Variants in TSFM observed in about 807,000 individuals in gnomAD.
TSFM encodes Ts translation elongation factor, mitochondrial, also known as elongation factor Ts, mitochondrial.
Under a neutral mutation model 33.4 loss-of-function variants are expected in TSFM, and 29 were observed. That is an observed-to-expected ratio of 0.87 (90% CI 0.65 to 1.18). TSFM has a LOEUF of 1.18. Among genes scored for constraint, TSFM ranks in the 50% most tolerant of loss-of-function variants. TSFM has a pLI of 0.00. For synonymous variants in TSFM, 178 were observed against 163.5 expected (o/e 1.09, Z -0.68); for missense variants, 394 against 395.6 (o/e 1.00, Z 0.04).
At chr12:57,787,302 C>T (rs1955603974) in intron 4 of TSFM, 140 bp downstream of exon 4, 5 of 902,868 alleles carry the variant, frequency 5.5e-6, no homozygotes, top group Non-Finnish European at 8.0e-6. Context: ...ATAGAATTAC[C>T]CTTCCCCCGT....
chr12:57,793,246 G>A (rs1468778919), intron 5 of TSFM, among the ~76,000 whole-genome samples, 173 bp downstream of exon 5: 2 of 151,204 alleles, frequency 1.3e-5, no homozygotes, highest in East Asian at 3.9e-4. Context: ...TTTTTTTTCC[G>A]AGACAGAGTC....
intron 2 of TSFM, among the ~76,000 whole-genome samples, chr12:57,784,359 G>A (rs991998657): frequency 9.2e-5 from 14 of 152,176 alleles, no homozygotes; most frequent in African/African-American, 2.7e-4. Context: ...TATAGTAGAC[G>A]TTAAAGCACA....
At chr12:57,784,068 T>C (rs1366833344) in intron 2 of TSFM, 1 of 702,824 alleles carries the variant, frequency 1.4e-6, no homozygotes, top group Admixed American at 2.0e-5. Flanking sequence ...AGATGGTATA[T>C]TGTACTACAA....
At chr12:57,795,798 A>G (rs1457899449) in intron 5 of TSFM, among the ~76,000 whole-genome samples, 5 of 151,904 alleles carry the variant, frequency 3.3e-5, no homozygotes, top group East Asian at 1.9e-4. Context: ...TATTTTTAGT[A>G]GAAACAGGGT....
chr12:57,799,799 T>A (rs1437308713), downstream of TSFM: 5 of 1,613,792 alleles, frequency 3.1e-6, no homozygotes, highest in Admixed American at 6.7e-5. Context: ...ACTCACCTCC[T>A]TTTTGGCAGG....
chr12:57,789,393 A>G (rs911885353), intron 4 of TSFM, among the ~76,000 whole-genome samples: 1 of 151,426 alleles, frequency 6.6e-6, no homozygotes, highest in Non-Finnish European at 1.5e-5. Context: ...CACATTTAGG[A>G]TTTTTTTTTC....
At chr12:57,786,961 G>T in intron 3 of TSFM, 79 bp from the exon 4 acceptor site, 2 of 1,468,532 alleles carry the variant, frequency 1.4e-6, no homozygotes, top group South Asian at 2.7e-5. Flanking sequence ...TCAGTATCTT[G>T]ATTTATTCTC....
At chr12:57,801,086 G>C, downstream of TSFM, 1 of 1,436,528 alleles carries the variant, frequency 7.0e-7, no homozygotes, top group South Asian at 1.2e-5. Context: ...GCATTTGTGT[G>C]TTCTCTGGCT....
downstream of TSFM, chr12:57,802,036 A>G: frequency 9.0e-7 from 1 of 1,106,426 alleles, no homozygotes; most frequent in Non-Finnish European, 1.3e-6. Context: ...AGGGAGTGGG[A>G]TGGGAGTAGG....
chr12:57,783,628 C>T (rs780581416), intron 2 of TSFM: 4 of 561,412 alleles, frequency 7.1e-6, no homozygotes, highest in African/African-American at 5.6e-5. Context: ...GAGTCTTGCT[C>T]TGTGGCCCAG....
intron 4 of TSFM, among the ~76,000 whole-genome samples, chr12:57,788,296 T>A (rs1013696523): frequency 1.3e-5 from 2 of 152,180 alleles, no homozygotes; most frequent in Non-Finnish European, 2.9e-5. Context: ...TTTTTGTTTT[T>A]TGAGATGAAG....
chr12:57,786,058 T>A, intron 2 of TSFM, 105 bp from the exon 3 acceptor site: 5 of 1,340,868 alleles, frequency 3.7e-6, no homozygotes, highest in Non-Finnish European at 4.9e-6. Context: ...CTTTAGTTTC[T>A]GTTAGAGAAT....
rs1449551837 is a variant in TSFM, at chr12:57,786,298, T to C, written c.360+7T>C. On this transcript the variant is annotated splice_region_variant and intron_variant, in intron 3 of 5. Transcript: ENST00000652027. ...CACAACTGTATTAGTAGAGGTGAGTTGTTGGAAATTCCAGATACCAAGAAC... is the reference window on the plus strand; with the variant it reads ...CACAACTGTATTAGTAGAGGTGAGTCGTTGGAAATTCCAGATACCAAGAAC... 23 of 1,609,028 alleles carry C rather than the reference T, an allele frequency of 1.4e-5. No individual in the cohort carries two copies. In the East Asian group the frequency reaches 5.1e-4, roughly 36 times the overall value.
At chr12:57,783,064 G>C in intron 1 of TSFM, 46 bp from the exon 2 acceptor site, 1 of 1,577,790 alleles carries the variant, frequency 6.3e-7, no homozygotes, top group Non-Finnish European at 8.6e-7. Flanking sequence ...TTCACCCTCT[G>C]GAGTTTGCTG....
Position 57,786,189 on chromosome 12 carries a change from C to A in TSFM, c.258C>A (p.Ala86=). The change falls in exon 3 of 6, where the codon GCC becomes GCA. Residue 86 remains alanine (A), a synonymous_variant. Coordinates refer to ENST00000652027, the MANE Select transcript of TSFM (RefSeq NM_005726.6). ...KQAEIWLHKE[A]QKEGWSKAAK... is the part of the protein sequence containing the mutation. Reference sequence around the variant, plus strand: ...CAGAGATCTGGCTCCACAAGGAGGCCCAGAAGGAGGGCTGGAGCAAAGCTG... The same window carrying A: ...CAGAGATCTGGCTCCACAAGGAGGCACAGAAGGAGGGCTGGAGCAAAGCTG... The A allele has an allele frequency of 6.2e-7, 1 of 1,608,056 alleles. No homozygotes were observed. Among genetic ancestry groups the A allele is most frequent in the Non-Finnish European group, 8.5e-7 (1 of 1,176,972 alleles).
intron 4 of TSFM, among the ~76,000 whole-genome samples, chr12:57,787,926 AAAG>A (rs1273897798): frequency 2.0e-5 from 3 of 151,948 alleles, no homozygotes; most frequent in African/African-American, 7.3e-5. Context: ...AGAAAAAAAA[AAAG>A]AGAGAGAGAT....
rs1331361718 is a variant in TSFM at position 57,796,435 on chromosome 12, GA to G, written c.831del (p.Glu278ArgfsTer30). The G allele has an allele frequency of 6.2e-7, 1 of 1,601,512 alleles. No homozygotes were observed. The highest frequency in any genetic ancestry group is 1.3e-5 in the African/African-American group (1 of 74,732). The part of the protein sequence containing the change: ...SVGSLDDEPG[G>X]EAETKMLSQP... ...GGCTCCCTGGACGATGAGCCTGGGGGAGAGGCAGAGACTAAGATGCTGTCCC... is the reference window on the plus strand; with the variant it reads ...GGCTCCCTGGACGATGAGCCTGGGGGGAGGCAGAGACTAAGATGCTGTCCC... On this transcript the variant is annotated frameshift_variant, in exon 6 of 6. Transcript: ENST00000652027. LOFTEE classifies it high-confidence loss of function.
intron 2 of TSFM, 66 bp downstream of exon 2, chr12:57,783,349 G>T (rs1955540220): frequency 1.1e-5 from 18 of 1,589,506 alleles, no homozygotes; most frequent in South Asian, 4.4e-5. Flanking sequence ...GGGCGGTCAC[G>T]CTGGGGAGCA....
chr12:57,788,965 C>CT (rs35955000), intron 4 of TSFM, among the ~76,000 whole-genome samples: 2,652 of 136,098 alleles, frequency 0.019, 164 homozygotes, highest in Admixed American at 0.11. Context: ...TATCATCGCC[C>CT]TTTTTTTTTT....
Sources: allele counts gnomAD v4.1 joint callset (sites outside exome capture counted in the v4.1 genomes callset), GRCh38; gene constraint gnomAD v4.1.1; transcripts MANE v1.5; gene names NCBI Gene and HGNC (gene_info 2026-07-23, HGNC 2026-07-21).